DRG1: variants seen among roughly 807,000 people sequenced by gnomAD.
DRG1 encodes developmentally regulated GTP binding protein 1.
DRG1 carries 19 observed loss-of-function variants against 38.8 expected under a neutral mutation model. The observed-to-expected ratio is 0.49, with a 90% CI of 0.34 to 0.72. The LOEUF is 0.72. Ranked by LOEUF, DRG1 falls within the 30% of genes least tolerant of loss-of-function variation. The pLI, the probability that DRG1 is intolerant of heterozygous loss-of-function variation, is 0.01. For synonymous variants in DRG1, 167 were observed against 157.5 expected (o/e 1.06, Z -0.45); for missense variants, 299 against 444.8 (o/e 0.67, Z 2.95).
Position 31,433,918 on chromosome 22 carries a change from G to A in DRG1, c.1051G>A (p.Gly351Ser). The part of the protein sequence containing the change: ...LSVKHNPQKV[G>S]KDHTLEDEDV... The stretch of plus-strand genomic sequence containing the variant: ...TGTGAAACACAATCCTCAGAAAGTG[G>A]GTAAAGACCATACGTTGGAGGATGA... Residue 351 changes from glycine to serine, a missense_variant, in exon 9 of 9, where the codon GGT becomes AGT. By Grantham distance (56) the Gly-to-Ser change is moderately conservative. Around this residue, in one of 3 missense-constraint regions of DRG1, gnomAD observed 198 missense variants for 268.1 expected, o/e 0.74. Coordinates refer to ENST00000331457, the MANE Select transcript of DRG1 (RefSeq NM_004147.4). The A allele has an allele frequency of 6.2e-7, 1 of 1,614,088 alleles. No individual in the cohort carries two copies. The highest frequency in any genetic ancestry group is 8.5e-7 in the Non-Finnish European group (1 of 1,179,978).
intron 4 of DRG1, among the ~76,000 whole-genome samples, chr22:31,417,774 T>A (rs541431527): frequency 2.0e-5 from 3 of 151,164 alleles, no homozygotes; most frequent in East Asian, 3.9e-4. Flanking sequence ...GCGGATCACC[T>A]GAGGTTGAAA....
At chr22:31,433,332 A>C (rs1305425915) in intron 8 of DRG1, among the ~76,000 whole-genome samples, 1 of 145,358 alleles carries the variant, frequency 6.9e-6, no homozygotes, top group Non-Finnish European at 1.5e-5. Context: ...GTGCAACGGC[A>C]TGATCTTGGC....
At chr22:31,423,225 G>C in intron 5 of DRG1, 55 bp from the exon 6 acceptor site, 1 of 1,603,800 alleles carries the variant, frequency 6.2e-7, no homozygotes, top group South Asian at 1.1e-5. Context: ...TGGTACACTT[G>C]ACAAGTATTT....
intron 3 of DRG1, among the ~76,000 whole-genome samples, chr22:31,409,704 G>A (rs1336196740): frequency 6.6e-6 from 1 of 152,038 alleles, no homozygotes; most frequent in Non-Finnish European, 1.5e-5. Context: ...AAATATTAAT[G>A]TAGAATTGGC....
At chr22:31,409,143 G>A (rs1283995889) in intron 3 of DRG1, among the ~76,000 whole-genome samples, 1 of 151,996 alleles carries the variant, frequency 6.6e-6, no homozygotes, top group African/African-American at 2.4e-5. Flanking sequence ...CGCCCAGGCT[G>A]GCATAATCTC....
In DRG1 at chr22:31,434,011, G is replaced by C. The variant is rs2098321209; in HGVS notation, c.*40G>C. 6.3e-7 allele frequency: 1 copy of C among 1,584,360 alleles called. No individual in the cohort carries two copies. The highest frequency in any genetic ancestry group is 8.7e-7 in the Non-Finnish European group (1 of 1,155,078). ...CCCATCTGCCGGACGAACCACAACA[G>C]CGTTCCCCATGATCAAGCACCCTAC... On this transcript the variant is annotated 3_prime_UTR_variant, in exon 9 of 9. Transcript: ENST00000331457.
intron 8 of DRG1, among the ~76,000 whole-genome samples, chr22:31,427,460 C>T (rs2050116949): frequency 6.6e-6 from 1 of 152,168 alleles, no homozygotes; most frequent in African/African-American, 2.4e-5. Context: ...ATTAATAATT[C>T]CTGCCAATGT....
At chr22:31,426,528 G>T (rs534782216) in intron 6 of DRG1, 87 bp from the exon 7 acceptor site, 446 of 1,205,892 alleles carry the variant, frequency 3.7e-4, no homozygotes, top group Admixed American at 4.7e-4. Context: ...GCGCCAGTTG[G>T]GTCTGGGTGA....
intron 1 of DRG1, 133 bp from the exon 2 acceptor site, chr22:31,400,487 G>A: frequency 1.8e-6 from 2 of 1,119,090 alleles, no homozygotes; most frequent in Non-Finnish European, 2.5e-6. Flanking sequence ...AGGAGATAAT[G>A]GACTTTTACT....
At position 31,427,017 on chromosome 22, in the gene DRG1, A is replaced by G. The variant is rs375558007; in HGVS notation, c.882-43A>G. On this transcript the variant is annotated intron_variant, in intron 7 of 8. Coordinates refer to ENST00000331457, the MANE Select transcript of DRG1 (RefSeq NM_004147.4). ...GGTTGCTATACATTCAACACATGAG[A>G]TAGTCTAAGAAGGCAGTAATCTTTA... 7.8e-5 allele frequency: 126 copies of G among 1,611,192 alleles called. 2 individuals are homozygous for G. In the East Asian group the frequency reaches 8.0e-4, roughly 10 times the overall value.
intron 3 of DRG1, 75 bp from the exon 4 acceptor site, chr22:31,410,932 ATAAAT>A (rs2050014875): frequency 1.4e-6 from 2 of 1,452,988 alleles, no homozygotes; most frequent in South Asian, 2.4e-5. Flanking sequence ...TACTTGAGAA[ATAAAT>A]TAATTCTGTT....
chr22:31,432,517 C>T lies in DRG1; in HGVS notation c.1005-1355C>T, dbSNP rs142544935. On this transcript the variant is annotated intron_variant, in intron 8 of 8. Transcript: ENST00000331457. ...CTTGGCTCACTGCAACCTCCGCCTCCCAGGTTCAAGCGATTCTCCTGCCTC... is the reference window on the plus strand; with the variant it reads ...CTTGGCTCACTGCAACCTCCGCCTCTCAGGTTCAAGCGATTCTCCTGCCTC... 7.5e-3 allele frequency among the ~76,000 whole-genome samples: 1,134 copies of T among 151,940 alleles called. 14 individuals carry two copies. Among genetic ancestry groups the T allele is most frequent in the African/African-American group, 0.026 (1,082 of 41,456 alleles).
At chr22:31,431,251 G>GT (rs1225163936) in intron 8 of DRG1, among the ~76,000 whole-genome samples, 1 of 151,816 alleles carries the variant, frequency 6.6e-6, no homozygotes, top group African/African-American at 2.4e-5. Flanking sequence ...AGCCAGGATG[G>GT]TCTCGATCTC....
Position 31,400,740 on chromosome 22 carries a change from G to A in DRG1, c.163G>A (p.Glu55Lys). Residue 55 changes from glutamate to lysine, a missense_variant, in exon 2 of 9, where the codon GAA becomes AAA. Transcript: ENST00000331457. The stretch of plus-strand genomic sequence containing the variant: ...GGGTGGTGGTGGTGGAGGTCCAGGA[G>A]AAGGTTTGTGTTCTTCTTCAATATA... ...PKGGGGGGPG[E>K]GFDVAKTGDA... 6.2e-7 allele frequency: 1 copy of A among 1,611,838 alleles called. No individual in the cohort carries two copies. The highest frequency in any genetic ancestry group is 1.1e-5 in the South Asian group (1 of 91,006).
intron 6 of DRG1, among the ~76,000 whole-genome samples, chr22:31,425,418 A>T (rs943224603): frequency 1.3e-5 from 2 of 151,358 alleles, no homozygotes; most frequent in African/African-American, 2.4e-5. Context: ...ATGTAGCTGA[A>T]TATCTGTTTC....
intron 8 of DRG1, among the ~76,000 whole-genome samples, chr22:31,431,019 T>TCCCCCCCCC (rs10570678): frequency 1.2e-5 from 1 of 81,018 alleles, no homozygotes; most frequent in Non-Finnish European, 2.2e-5. Context: ...CACCCGGCCT[T>TCCCCCCCCC]CCCCCCCCCC....
intron 4 of DRG1, among the ~76,000 whole-genome samples, chr22:31,417,807 A>G (rs1288753726): frequency 1.3e-5 from 2 of 151,096 alleles, no homozygotes; most frequent in Admixed American, 6.6e-5. Context: ...CCTGACTAAC[A>G]TGGAGAAACC....
intron 6 of DRG1, among the ~76,000 whole-genome samples, chr22:31,425,709 G>A (rs1394216559): frequency 2.0e-5 from 3 of 152,196 alleles, no homozygotes; most frequent in Non-Finnish European, 4.4e-5. Context: ...CCAACGTGTT[G>A]GGATTATAGG....
intron 5 of DRG1, among the ~76,000 whole-genome samples, chr22:31,420,664 G>A (rs1300754988): frequency 6.6e-6 from 1 of 152,236 alleles, no homozygotes; most frequent in Middle Eastern, 3.4e-3. Context: ...TGATATGGGC[G>A]TGTGGACCAA....
Sources: allele counts gnomAD v4.1 joint callset (sites outside exome capture counted in the v4.1 genomes callset), GRCh38; gene constraint gnomAD v4.1.1; regional missense constraint gnomAD v4.1.1; transcripts MANE v1.5; gene names NCBI Gene and HGNC (gene_info 2026-07-23, HGNC 2026-07-21).